Variants in SORCS3 observed in about 807,000 individuals in gnomAD.
SORCS3 encodes the protein VPS10 domain-containing receptor SorCS3.
A neutral mutation model predicts 146.3 loss-of-function variants in SORCS3; 57 were observed. That is an observed-to-expected ratio of 0.39 (90% confidence interval 0.31 to 0.49). The LOEUF is 0.49. Among genes scored for constraint, SORCS3 ranks in the 20% least tolerant of loss-of-function variants. SORCS3 has a pLI of 0.92. For synonymous variants in SORCS3, 653 were observed against 618.5 expected (o/e 1.06, Z -0.83); for missense variants, 1,341 against 1,575.5 (o/e 0.85, Z 2.52).
At chr10:104,846,352 G>T (rs1360651855) in intron 2 of SORCS3, among the ~76,000 whole-genome samples, 1 of 152,168 alleles carries the variant, frequency 6.6e-6, no homozygotes, top group Non-Finnish European at 1.5e-5. Flanking sequence ...AGAGCCGTAT[G>T]ATTTCCCTTC....
intron 1 of SORCS3, among the ~76,000 whole-genome samples, chr10:104,755,508 A>G (rs180744766): frequency 6.6e-6 from 1 of 152,342 alleles, no homozygotes; most frequent in Non-Finnish European, 1.5e-5. Context: ...TAAGAGACAA[A>G]CTAAGTGTTG....
Position 104,923,355 on chromosome 10 carries a change from C to A in SORCS3, c.795+7423C>A, listed in dbSNP as rs1291680732. On this transcript the variant is annotated intron_variant, in intron 3 of 26. Transcript: ENST00000369701. ...TGGCCAAGCCCTTAGGAAGTGTAAT[C>A]CTCATAGCTCTTAGTTATATGACTA... Among the ~76,000 whole-genome samples the A allele has an allele frequency of 2.0e-5, 3 of 151,988 alleles. No homozygotes were observed. The East Asian group carries it at 5.8e-4, about 29-fold the overall frequency.
At chr10:104,733,499 A>G (rs1589477565) in intron 1 of SORCS3, among the ~76,000 whole-genome samples, 1 of 149,868 alleles carries the variant, frequency 6.7e-6, no homozygotes, top group South Asian at 2.1e-4. Flanking sequence ...ATAGATGCGC[A>G]CCACCATGCC....
At chr10:105,111,797 C>T (rs182548488) in intron 7 of SORCS3, among the ~76,000 whole-genome samples, 16 of 152,272 alleles carry the variant, frequency 1.1e-4, no homozygotes, top group African/African-American at 3.8e-4. Flanking sequence ...TTTCACCTGA[C>T]CCTAGAAGAG....
chr10:105,080,346 A>T (rs1450975358), intron 5 of SORCS3, among the ~76,000 whole-genome samples: 1 of 152,090 alleles, frequency 6.6e-6, no homozygotes, highest in Non-Finnish European at 1.5e-5. Context: ...TGCTGGCCAC[A>T]TATATATCTT....
At chr10:105,060,748 A>G (rs1000775563) in intron 5 of SORCS3, among the ~76,000 whole-genome samples, 1 of 152,176 alleles carries the variant, frequency 6.6e-6, no homozygotes, top group African/African-American at 2.4e-5. Context: ...GACCAGCCTG[A>G]CCAACATGGA....
intron 3 of SORCS3, among the ~76,000 whole-genome samples, chr10:104,970,303 C>T (rs552990607): frequency 2.0e-5 from 3 of 152,148 alleles, no homozygotes; most frequent in East Asian, 3.9e-4. Flanking sequence ...TGTACCTCCA[C>T]GCCCAGCTAA....
At chr10:104,671,153 C>T (rs182994258) in intron 1 of SORCS3, among the ~76,000 whole-genome samples, 3 of 151,028 alleles carry the variant, frequency 2.0e-5, no homozygotes, top group African/African-American at 7.3e-5. Context: ...TGCCGAATTG[C>T]TCTGGTTAGA....
chr10:105,206,130 C>T (rs1034609692), intron 16 of SORCS3, among the ~76,000 whole-genome samples: 2 of 152,056 alleles, frequency 1.3e-5, no homozygotes, highest in Non-Finnish European at 1.5e-5. Context: ...GATGTGTTTC[C>T]GCAGTGGACA....
intron 7 of SORCS3, 150 bp from the exon 8 acceptor site, chr10:105,139,247 C>T: frequency 1.6e-6 from 1 of 637,078 alleles, no homozygotes; most frequent in Admixed American, 2.3e-5. Flanking sequence ...CTCAGAGTGC[C>T]ATGGGATTAG....
At chr10:105,117,006 CA>C (rs1184162710) in intron 7 of SORCS3, among the ~76,000 whole-genome samples, 1 of 151,908 alleles carries the variant, frequency 6.6e-6, no homozygotes, top group East Asian at 1.9e-4. Flanking sequence ...GCCTATATAA[CA>C]AACCTGTGCA....
At chr10:104,812,158 C>G (rs975056241) in intron 1 of SORCS3, among the ~76,000 whole-genome samples, 7 of 152,156 alleles carry the variant, frequency 4.6e-5, no homozygotes, top group African/African-American at 1.4e-4. Context: ...TCAGTGGTAG[C>G]GCACCTAGAA....
intron 3 of SORCS3, among the ~76,000 whole-genome samples, chr10:104,971,202 A>G (rs114623172): frequency 3.7e-4 from 57 of 152,330 alleles, no homozygotes; most frequent in Middle Eastern, 3.4e-3. Context: ...TCAGAATCAG[A>G]TTTATATTAC....
chr10:105,049,398 C>G (rs2055396088), intron 5 of SORCS3, among the ~76,000 whole-genome samples: 1 of 151,988 alleles, frequency 6.6e-6, no homozygotes, highest in Non-Finnish European at 1.5e-5. Flanking sequence ...TACACCCACA[C>G]ACTTCTCCCC....
At chr10:104,883,311 T>G (rs527704514) in intron 2 of SORCS3, among the ~76,000 whole-genome samples, 1 of 152,276 alleles carries the variant, frequency 6.6e-6, no homozygotes, top group South Asian at 2.1e-4. Context: ...AAAAACCATC[T>G]TGGTATGACT....
chr10:105,102,376 C>A (rs1189193411), intron 6 of SORCS3, among the ~76,000 whole-genome samples: 1 of 152,162 alleles, frequency 6.6e-6, no homozygotes, highest in Non-Finnish European at 1.5e-5. Context: ...ATGTCCTTTG[C>A]AGCAACATGG....
intron 4 of SORCS3, among the ~76,000 whole-genome samples, chr10:105,027,739 G>C (rs999355835): frequency 7.2e-5 from 11 of 152,190 alleles, no homozygotes; most frequent in Admixed American, 7.2e-4. Context: ...CACATATTTT[G>C]CACTTTTGTG....
At chr10:105,031,360 CACA>C (rs2055266690) in intron 4 of SORCS3, among the ~76,000 whole-genome samples, 1 of 145,786 alleles carries the variant, frequency 6.9e-6, no homozygotes, top group Non-Finnish European at 1.5e-5. Flanking sequence ...CACACACACA[CACA>C]AAAACATGTA....
At chr10:104,760,890 A>G (rs147592961) in intron 1 of SORCS3, among the ~76,000 whole-genome samples, 1 of 152,190 alleles carries the variant, frequency 6.6e-6, no homozygotes, top group African/African-American at 2.4e-5. Context: ...ATTCTGAAGT[A>G]CTGCAGGACA....
Sources: allele counts gnomAD v4.1 joint callset (sites outside exome capture counted in the v4.1 genomes callset), GRCh38; gene constraint gnomAD v4.1.1; transcripts MANE v1.5; gene names NCBI Gene and HGNC (gene_info 2026-07-23, HGNC 2026-07-21).